HSD17B3: variants seen among roughly 807,000 people sequenced by gnomAD.
HSD17B3 encodes the protein 17-beta-hydroxysteroid dehydrogenase type 3.
In HSD17B3, 29 loss-of-function variants were observed where a neutral mutation model predicts 41.1. The ratio of observed to expected loss-of-function variants is 0.71; its 90% CI spans 0.53 to 0.96. HSD17B3 has a LOEUF of 0.96. Among genes scored for constraint, HSD17B3 ranks in the 40% least tolerant of loss-of-function variants. The pLI, the probability that HSD17B3 is intolerant of heterozygous loss-of-function variation, is 0.00. For synonymous variants in HSD17B3, 126 were observed against 145.6 expected (o/e 0.87, Z 0.97); for missense variants, 323 against 374.6 (o/e 0.86, Z 1.14).
intron 2 of HSD17B3, among the ~76,000 whole-genome samples, chr9:96,258,263 C>T (rs766087347): frequency 2.0e-5 from 3 of 152,152 alleles, no homozygotes; most frequent in Admixed American, 1.3e-4. Flanking sequence ...TCCTTACCTT[C>T]AAGGTAATTG....
In HSD17B3 at chr9:96,298,440, T is replaced by A; in HGVS notation, c.177A>T (p.Gly59=). 6.2e-7 allele frequency: 1 copy of A among 1,613,838 alleles called. No homozygotes were observed. Among genetic ancestry groups the A allele is most frequent in the Non-Finnish European group, 8.5e-7 (1 of 1,179,750 alleles). Reference sequence around the variant, plus strand: ...CCTCGAACGAGTACGCTTTCCCAATTCCATCGCCTGCTCCAGTGATCACTG... The same window carrying A: ...CCTCGAACGAGTACGCTTTCCCAATACCATCGCCTGCTCCAGTGATCACTG... ...QWAVITGAGD[G]IGKAYSFELA... Residue 59 remains glycine, a synonymous_variant, in exon 2 of 11, where the codon GGA becomes GGT. Coordinates refer to ENST00000375263, the MANE Select transcript of HSD17B3 (RefSeq NM_000197.2).
chr9:96,272,281 G>A (rs1225847991), intron 2 of HSD17B3, among the ~76,000 whole-genome samples: 2 of 148,208 alleles, frequency 1.3e-5, no homozygotes, highest in East Asian at 2.0e-4. Context: ...AGAGCCTGAG[G>A]CAGGAGAATC....
At chr9:96,275,936 A>C (rs1001196521) in intron 2 of HSD17B3, among the ~76,000 whole-genome samples, 2 of 151,934 alleles carry the variant, frequency 1.3e-5, no homozygotes, top group African/African-American at 4.8e-5. Context: ...TAAACTCCCC[A>C]GTCAAAAGGC....
At chr9:96,250,615 A>G (rs1886260) in intron 5 of HSD17B3, 88,037 of 326,016 alleles carry the variant, frequency 0.27, 12,772 homozygotes, top group African/African-American at 0.37. Flanking sequence ...GGCCGGGCGC[A>G]GTGGTTCACG....
chr9:96,301,606 G>A (rs886506272), intron 1 of HSD17B3, among the ~76,000 whole-genome samples: 2 of 150,906 alleles, frequency 1.3e-5, no homozygotes, highest in African/African-American at 4.9e-5. Context: ...AGCTACTTGG[G>A]AGGCCGAGGC....
rs377302861 is a variant in HSD17B3 at position 96,279,468 on chromosome 9, A to G, written c.201+18948T>C. On this transcript the variant is annotated intron_variant, in intron 2 of 10. Transcript: ENST00000375263. ...AGAGAAGGGAGTGTCTGGGTAAGAT[A>G]AGAGATTGTGGAGACCAAGGTGTTT... Among the ~76,000 whole-genome samples the G allele has an allele frequency of 2.6e-4, 39 of 152,296 alleles. No homozygotes were observed. In the South Asian group the frequency reaches 8.1e-3, roughly 32 times the overall value.
intron 5 of HSD17B3, chr9:96,250,383 AGAG>A (rs1836848178): frequency 9.3e-7 from 1 of 1,071,088 alleles, no homozygotes; most frequent in Non-Finnish European, 1.1e-6. Flanking sequence ...TGTGGTCCAG[AGAG>A]GAGTTCAGGA....
chr9:96,294,135 C>G (rs1004190555), intron 2 of HSD17B3, among the ~76,000 whole-genome samples: 1 of 152,140 alleles, frequency 6.6e-6, no homozygotes, highest in Non-Finnish European at 1.5e-5. Context: ...CATAAAGAGG[C>G]TGGGCACAAT....
At chr9:96,296,947 A>G (rs1005909914) in intron 2 of HSD17B3, among the ~76,000 whole-genome samples, 1 of 151,374 alleles carries the variant, frequency 6.6e-6, no homozygotes, top group African/African-American at 2.4e-5. Flanking sequence ...AGGTGGGAGG[A>G]TTGCTTGAGC....
At chr9:96,270,271 G>T (rs7043452) in intron 2 of HSD17B3, among the ~76,000 whole-genome samples, 2 of 142,806 alleles carry the variant, frequency 1.4e-5, no homozygotes, top group Admixed American at 1.4e-4. Context: ...CACACACACA[G>T]AGAGAGAGAG....
chr9:96,259,384 C>T (rs185135551), intron 2 of HSD17B3, among the ~76,000 whole-genome samples: 2 of 152,204 alleles, frequency 1.3e-5, no homozygotes, highest in East Asian at 1.9e-4. Context: ...TTTCCATCAG[C>T]GCAAGTCAGT....
chr9:96,255,792 G>T (rs1210537719), intron 2 of HSD17B3, among the ~76,000 whole-genome samples: 1 of 152,194 alleles, frequency 6.6e-6, no homozygotes, highest in East Asian at 1.9e-4. Context: ...CAACAGAAGA[G>T]AAAACGGGAC....
rs745657684 is a variant in HSD17B3 at position 96,252,928 on chromosome 9, G to A, written c.278-18C>T. ...AGTCCGCTCTACACGAGAGACAACA[G>A]TTTTTTTAATGAACAGGGATCCAAA... On this transcript the variant is annotated intron_variant, in intron 3 of 10. Transcript: ENST00000375263. The A allele has an allele frequency of 3.3e-6, 5 of 1,516,582 alleles. No homozygotes were observed. The highest frequency in any genetic ancestry group is 2.2e-5 in the South Asian group (2 of 89,098). The allele number at this position is 1,516,582 out of a possible 1,614,324, so 93.9% of individuals were successfully genotyped here.
chr9:96,245,432 A>C lies in HSD17B3; in HGVS notation c.525-6T>G. ...TCAGGATGAGACCTTTCTGCCTGAA[A>C]GGCAAAGAAGCAAAGTTCCCATGGC... On this transcript the variant is annotated splice_region_variant and splice_polypyrimidine_tract_variant and intron_variant, in intron 7 of 10. Coordinates refer to ENST00000375263, the MANE Select transcript of HSD17B3 (RefSeq NM_000197.2). The C allele has an allele frequency of 6.2e-7, 1 of 1,612,576 alleles. No homozygotes were observed. Among genetic ancestry groups the C allele is most frequent in the Non-Finnish European group, 8.5e-7 (1 of 1,178,560 alleles).
At chr9:96,260,226 T>C (rs1429679594) in intron 2 of HSD17B3, among the ~76,000 whole-genome samples, 4 of 152,242 alleles carry the variant, frequency 2.6e-5, no homozygotes, top group South Asian at 2.1e-4. Flanking sequence ...ACTTCTCTGA[T>C]GCTATCCTTG....
chr9:96,275,477 G>C (rs927081405), intron 2 of HSD17B3, among the ~76,000 whole-genome samples: 1 of 152,120 alleles, frequency 6.6e-6, no homozygotes, highest in Non-Finnish European at 1.5e-5. Context: ...CTACTTGGGA[G>C]GTTGAGATGG....
At chr9:96,249,523 T>G in intron 6 of HSD17B3, 2 of 588,052 alleles carry the variant, frequency 3.4e-6, no homozygotes, top group Non-Finnish European at 6.1e-6. Flanking sequence ...GTGACAAAAC[T>G]GAAAGCAGAA....
chr9:96,250,511 G>C, intron 5 of HSD17B3: 1 of 1,040,316 alleles, frequency 9.6e-7, no homozygotes, highest in Non-Finnish European at 1.2e-6. Flanking sequence ...ATGGAAGCAT[G>C]AGAGCCTGTT....
chr9:96,245,606 C>T (rs1008771290), intron 7 of HSD17B3, among the ~76,000 whole-genome samples, 180 bp from the exon 8 acceptor site: 3 of 152,126 alleles, frequency 2.0e-5, no homozygotes, highest in Admixed American at 6.5e-5. Context: ...CCCTGGAGGG[C>T]GCCACACAGA....
Sources: allele counts gnomAD v4.1 joint callset (sites outside exome capture counted in the v4.1 genomes callset), GRCh38; gene constraint gnomAD v4.1.1; transcripts MANE v1.5; gene names NCBI Gene and HGNC (gene_info 2026-07-23, HGNC 2026-07-21).